Variants in ADAMTS20 observed in about 807,000 individuals in gnomAD.
ADAMTS20 encodes the protein ADAM metallopeptidase with thrombospondin type 1 motif 20.
ADAMTS20 carries 225 observed loss-of-function variants against 260.1 expected under a neutral mutation model. The ratio of observed to expected loss-of-function variants is 0.87; its 90% CI spans 0.78 to 0.97. The LOEUF is 0.97. ADAMTS20 is among the 50% of genes least tolerant of loss of function. ADAMTS20 has a pLI of 0.00. For synonymous variants in ADAMTS20, 802 were observed against 769.5 expected, an observed-to-expected ratio of 1.04 and a Z score of -0.70; for missense variants, 2,400 against 2,337.7, an observed-to-expected ratio of 1.03 and a Z score of -0.55.
chr12:43,391,281 A>G (rs1940590874), intron 29 of ADAMTS20, among the ~76,000 whole-genome samples: 1 of 152,134 alleles, frequency 6.6e-6, no homozygotes, highest in African/African-American at 2.4e-5. Flanking sequence ...TAATACCATC[A>G]CCTCAAGGAT....
Position 43,467,441 on chromosome 12 carries a change from C to T in ADAMTS20, c.1224-646G>A, listed in dbSNP as rs192214246. Among the ~76,000 whole-genome samples the T allele has an allele frequency of 3.3e-5, 5 of 152,100 alleles. No individual in the cohort carries two copies. In the East Asian group the frequency reaches 7.7e-4, roughly 23 times the overall value. ...AGTATAAGCTCAAGTTTAGAAGGAA[C>T]ACTGAAACCACTTAATTCAGATCCT... On this transcript the variant is annotated intron_variant, in intron 8 of 38. Coordinates refer to ENST00000389420, the MANE Select transcript of ADAMTS20 (RefSeq NM_025003.5).
intron 29 of ADAMTS20, among the ~76,000 whole-genome samples, chr12:43,384,717 G>A (rs936480222): frequency 2.0e-5 from 3 of 152,076 alleles, no homozygotes; most frequent in Non-Finnish European, 4.4e-5. Context: ...TTGGTTTTCT[G>A]TTCCTGTGTT....
intron 4 of ADAMTS20, among the ~76,000 whole-genome samples, chr12:43,499,968 T>G (rs930649638): frequency 3.9e-5 from 6 of 152,160 alleles, no homozygotes; most frequent in Admixed American, 3.3e-4. Context: ...TTTACCATGT[T>G]TTAAAATCTA....
Position 43,439,723 on chromosome 12 carries a change from G to A in ADAMTS20, c.2492C>T (p.Pro831Leu), listed in dbSNP as rs1358622852. Residue 831 changes from proline (P) to leucine (L), a missense_variant, in exon 18 of 39, where the codon CCT becomes CTT. Pro to Leu is a moderately conservative substitution (Grantham distance 98, BLOSUM62 -3). Coordinates refer to ENST00000389420, the MANE Select transcript of ADAMTS20 (RefSeq NM_025003.5). ...GATATTGAAGGAATAATGTACATCA[G>A]GGTTGTATAAATTACCCACACACAA... ...QVLCVGNLYN[P>L]DVHYSFNIPL... 6.2e-7 allele frequency: 1 copy of A among 1,613,206 alleles called. No homozygotes were observed. Among genetic ancestry groups the A allele is most frequent in the Non-Finnish European group, 8.5e-7 (1 of 1,179,532 alleles).
chr12:43,372,587 T>C (rs1940130683), intron 36 of ADAMTS20, among the ~76,000 whole-genome samples: 1 of 152,164 alleles, frequency 6.6e-6, no homozygotes, highest in African/African-American at 2.4e-5. Context: ...CAAGATGATT[T>C]GCTTGTGATT....
intron 37 of ADAMTS20, among the ~76,000 whole-genome samples, chr12:43,364,038 G>GAAGAAAGCCCACCT (rs1939930592): frequency 6.6e-6 from 1 of 152,134 alleles, no homozygotes; most frequent in Non-Finnish European, 1.5e-5. Context: ...AAAGAGAACT[G>GAAGAAAGCCCACCT]AAGAAAGCCC....
intron 29 of ADAMTS20, among the ~76,000 whole-genome samples, chr12:43,386,047 C>T (rs1016772386): frequency 3.3e-5 from 5 of 151,990 alleles, no homozygotes; most frequent in African/African-American, 1.2e-4. Flanking sequence ...TCTCTCTTTT[C>T]TTCTCTATTA....
intron 10 of ADAMTS20, among the ~76,000 whole-genome samples, chr12:43,463,402 T>A (rs540904177): frequency 2.0e-5 from 3 of 152,328 alleles, no homozygotes; most frequent in African/African-American, 7.2e-5. Flanking sequence ...ATTGAAATAA[T>A]GTATAATGTA....
At chr12:43,508,056 G>C (rs745901534) in intron 3 of ADAMTS20, among the ~76,000 whole-genome samples, 11 of 152,044 alleles carry the variant, frequency 7.2e-5, no homozygotes, top group Non-Finnish European at 1.5e-4. Flanking sequence ...TTAGTACCTG[G>C]GTGATGAAAT....
In ADAMTS20 at chr12:43,552,060, G is replaced by C; in HGVS notation, c.-139C>G. 4.4e-6 allele frequency: 3 copies of C among 683,858 alleles called. No individual in the cohort carries two copies. The highest frequency in any genetic ancestry group is 3.5e-5 in the South Asian group (2 of 56,344). 42.4% of individuals were successfully genotyped at this position (683,858 alleles called of 1,614,324 possible). A position where few individuals can be genotyped will look rare whatever the true frequency, so the allele number is the denominator to read the frequency against. On this transcript the variant is annotated 5_prime_UTR_variant, in exon 1 of 39. Transcript: ENST00000389420. Reference sequence around the variant, plus strand: ...TCAGCAGCCTAGGGAACAGCAGCGCGGGCCCTGGGCCGGCTGGTCCAGCCA... The same window carrying C: ...TCAGCAGCCTAGGGAACAGCAGCGCCGGCCCTGGGCCGGCTGGTCCAGCCA...
chr12:43,480,040 G>C (rs1313695854), intron 7 of ADAMTS20, among the ~76,000 whole-genome samples: 1 of 152,002 alleles, frequency 6.6e-6, no homozygotes. Flanking sequence ...ACTAGTAAAA[G>C]AAATAGTCAA....
intron 31 of ADAMTS20, among the ~76,000 whole-genome samples, chr12:43,381,599 C>T (rs1413734661): frequency 7.8e-6 from 1 of 127,946 alleles, no homozygotes; most frequent in Non-Finnish European, 1.6e-5. Flanking sequence ...TTGGGCAACA[C>T]AGGGAGACCC....
intron 28 of ADAMTS20, among the ~76,000 whole-genome samples, chr12:43,403,849 G>A (rs1940860621): frequency 6.6e-6 from 1 of 152,078 alleles, no homozygotes; most frequent in African/African-American, 2.4e-5. Flanking sequence ...GTCGACGTAT[G>A]AATGTTGTTT....
At position 43,428,783 on chromosome 12, in the gene ADAMTS20, C is replaced by G; in HGVS notation, c.3506G>C (p.Gly1169Ala). ...GSWTPCSVSCGRGTQARYVSC... is the reference protein window; with the variant it reads ...GSWTPCSVSCARGTQARYVSC... ...TACATAGCGGGCTTGAGTACCTCTT[C>G]CACAAGATACGGAGCACTTTTTAAG... Residue 1169 changes from glycine (G) to alanine (A), a missense_variant, in exon 25 of 39, where the codon GGA becomes GCA. By Grantham distance (60) the Gly-to-Ala change is moderately conservative. Coordinates refer to ENST00000389420, the MANE Select transcript of ADAMTS20 (RefSeq NM_025003.5). The G allele has an allele frequency of 6.2e-7, 1 of 1,605,678 alleles. No homozygotes were observed. The highest frequency in any genetic ancestry group is 8.5e-7 in the Non-Finnish European group (1 of 1,174,796).
At chr12:43,480,970 C>T (rs1310022331) in intron 7 of ADAMTS20, among the ~76,000 whole-genome samples, 1 of 150,698 alleles carries the variant, frequency 6.6e-6, no homozygotes, top group African/African-American at 2.4e-5. Context: ...GATGTCTCAC[C>T]AAAAAAAAGA....
chr12:43,525,318 C>A (rs1170956176), intron 3 of ADAMTS20, among the ~76,000 whole-genome samples: 2 of 152,134 alleles, frequency 1.3e-5, no homozygotes, highest in African/African-American at 4.8e-5. Flanking sequence ...CATTTTCAGA[C>A]AAACAAATGC....
In ADAMTS20 at chr12:43,409,747, C is replaced by G. The variant is rs544340727; in HGVS notation, c.4285-10514G>C. 2.0e-5 allele frequency among the ~76,000 whole-genome samples: 3 copies of G among 150,776 alleles called. 1 individual carries two copies. The highest frequency in any genetic ancestry group is 2.0e-4 in the Admixed American group (3 of 15,126). On this transcript the variant is annotated intron_variant, in intron 28 of 38. Transcript: ENST00000389420. ...TACAACAAATTTTCCCAACACAAAT[C>G]TTTTTAATGAAAGAGCCTACAGAAA...
chr12:43,391,526 G>A (rs1940596296), intron 29 of ADAMTS20, among the ~76,000 whole-genome samples: 1 of 152,140 alleles, frequency 6.6e-6, no homozygotes, highest in African/African-American at 2.4e-5. Flanking sequence ...CAAGAGCTGT[G>A]ATGCCAACGT....
intron 31 of ADAMTS20, among the ~76,000 whole-genome samples, chr12:43,380,853 A>G (rs192907791): frequency 6.6e-6 from 1 of 152,206 alleles, no homozygotes; most frequent in Admixed American, 6.5e-5. Flanking sequence ...ACAAAATCTC[A>G]GCTGGCTCTT....
Sources: allele counts gnomAD v4.1 joint callset (sites outside exome capture counted in the v4.1 genomes callset), GRCh38; gene constraint gnomAD v4.1.1; transcripts MANE v1.5; gene names NCBI Gene and HGNC (gene_info 2026-07-23, HGNC 2026-07-21).